The following NUP153 variants were observed in gnomAD, a reference collection of about 807,000 sequenced individuals.
The protein encoded by NUP153 is nucleoporin 153.
NUP153 carries 27 observed loss-of-function variants against 134.6 expected under a neutral mutation model. The ratio of observed to expected loss-of-function variants is 0.20; its 90% confidence interval spans 0.15 to 0.28. NUP153 has a LOEUF of 0.28. NUP153 is among the 10% of genes least tolerant of loss of function. NUP153 has a pLI of 1.00. For missense variants in NUP153, 1,821 were observed against 1,731.3 expected (o/e 1.05, Z -0.92); for synonymous variants, 640 against 623.5 (o/e 1.03, Z -0.40).
rs200972752 is a variant in NUP153, at chr6:17,637,245, T to C, written c.2372A>G (p.Lys791Arg). The stretch of plus-strand genomic sequence containing the variant: ...ACACTCCCAAGATCCAATGGGCCTT[T>C]TGAATTTATCTCCAAATCCTAAGGT... ...TGTLGFGDKF[K>R]RPIGSWECSV... Residue 791 changes from lysine (K) to arginine (R), a missense_variant, in exon 16 of 22, where the codon AAA becomes AGA. Physicochemically the swap from Lys to Arg is conservative, Grantham distance 26 (BLOSUM62 2). Coordinates refer to ENST00000262077, the MANE Select transcript of NUP153 (RefSeq NM_005124.4). The C allele has an allele frequency of 2.0e-5, 32 of 1,614,090 alleles. No homozygotes were observed. Among genetic ancestry groups the C allele is most frequent in the Admixed American group, 1.7e-5 (1 of 60,006 alleles).
chr6:17,683,247 T>A (rs1768719700), intron 2 of NUP153, among the ~76,000 whole-genome samples: 1 of 152,188 alleles, frequency 6.6e-6, no homozygotes, highest in Admixed American at 6.5e-5. Context: ...GTTCTTAATG[T>A]CATCTAGAAT....
Position 17,625,524 on chromosome 6 carries a change from C to T in NUP153, c.3901+284G>A, listed in dbSNP as rs200993034. 1.1e-4 allele frequency among the ~76,000 whole-genome samples: 17 copies of T among 152,048 alleles called. No homozygotes were observed. In the East Asian group the frequency reaches 1.5e-3, roughly 14 times the overall value. On this transcript the variant is annotated intron_variant, in intron 19 of 21. Coordinates refer to ENST00000262077, the MANE Select transcript of NUP153 (RefSeq NM_005124.4). This position sits in a 1 kb window ranked among gnomAD's most constrained non-coding sequence, Gnocchi z 4.7. ...CAGCCTGGGTGACAGAGCAAGACTC[C>T]GTCTCGAAAGAAAACAAAAACAAAA... is the stretch of plus-strand genomic sequence containing the variant.
rs1019761765 is a variant in NUP153 at position 17,675,174 on chromosome 6, T to G, written c.723+55A>C. On this transcript the variant is annotated intron_variant, in intron 4 of 21. Transcript: ENST00000262077. The surrounding 1 kb of genome is among the most constrained non-coding windows in gnomAD (Gnocchi z 4.4). ...GTCTCAGAAAAAAAAAAAAAAATTATAAGCAATAAACACTCAAAACTAATG... is the reference window on the plus strand; with the variant it reads ...GTCTCAGAAAAAAAAAAAAAAATTAGAAGCAATAAACACTCAAAACTAATG... 3.1e-4 allele frequency: 481 copies of G among 1,549,592 alleles called. 1 individual carries two copies. The highest frequency in any genetic ancestry group is 2.4e-4 in the Non-Finnish European group (270 of 1,144,642).
intron 2 of NUP153, among the ~76,000 whole-genome samples, chr6:17,678,891 A>G (rs1768400006): frequency 6.6e-6 from 1 of 151,740 alleles, no homozygotes; most frequent in South Asian, 2.1e-4. Context: ...GGCTGCAATG[A>G]GCTATGATGG....
rs759487748 is a variant in NUP153, at chr6:17,674,914, T to C, written c.843A>G (p.Thr281=). ...TTCTATTGGAACCTACCTGATAAGG[T>C]GTATTTCGTAGTTTAGACTGTCTTA... ...AAVRQSKLRN[T]PYQAPVRRQM... The change falls in exon 5 of 22, where the codon ACA becomes ACG. Residue 281 remains threonine, a synonymous_variant. Transcript: ENST00000262077. 1.4e-5 allele frequency: 22 copies of C among 1,605,034 alleles called. No homozygotes were observed. The highest frequency in any genetic ancestry group is 1.3e-5 in the Non-Finnish European group (15 of 1,176,600).
chr6:17,688,643 GAC>G, intron 1 of NUP153, 25 bp from the exon 2 acceptor site: 2 of 1,544,514 alleles, frequency 1.3e-6, no homozygotes, highest in South Asian at 2.3e-5. Flanking sequence ...AACATATTAT[GAC>G]AGTTTTAGAA....
At chr6:17,671,747 C>A (rs1310238632) in intron 5 of NUP153, among the ~76,000 whole-genome samples, 3 of 152,148 alleles carry the variant, frequency 2.0e-5, no homozygotes, top group African/African-American at 7.2e-5. Context: ...TGGCTCATAC[C>A]TATAATACCA....
rs1014166852 is a variant in NUP153 at position 17,616,528 on chromosome 6, C to G, written c.4342G>C (p.Gly1448Arg). The change falls in exon 21 of 22, where the codon GGG becomes CGG. Residue 1448 changes from glycine to arginine, a missense_variant and splice_region_variant. Coordinates refer to ENST00000262077, the MANE Select transcript of NUP153 (RefSeq NM_005124.4). ...CATTTCAATAAAAAATTCTCTTACC[C>G]CACTGTAAATGCTGCTGGAGACTGG... ...FNQSPAAFTV[G>R]SNGKNVFSSS... is the part of the protein sequence containing the mutation. 1 of 1,603,198 alleles carries G rather than the reference C, an allele frequency of 6.2e-7. No individual in the cohort carries two copies. Among genetic ancestry groups the G allele is most frequent in the Admixed American group, 1.7e-5 (1 of 57,288 alleles).
intron 2 of NUP153, among the ~76,000 whole-genome samples, chr6:17,686,741 A>G (rs991804368): frequency 1.3e-5 from 2 of 151,842 alleles, no homozygotes. Context: ...TTTGAAGTAG[A>G]TATCAAAATG....
Position 17,618,615 on chromosome 6 carries a change from G to A in NUP153, c.4175-1920C>T, listed in dbSNP as rs185290407. Among the ~76,000 whole-genome samples, 25 of 150,176 alleles carry A rather than the reference G, an allele frequency of 1.7e-4. 1 individual carries two copies. Among genetic ancestry groups the A allele is most frequent in the Non-Finnish European group, 2.9e-5 (2 of 67,850 alleles). On this transcript the variant is annotated intron_variant, in intron 20 of 21. Transcript: ENST00000262077. ...GAGTCTGGCTCTGTTGCCCAGGCTGGAGTGCAGTGGCACGGTCTCAGCTCA... is the reference window on the plus strand; with the variant it reads ...GAGTCTGGCTCTGTTGCCCAGGCTGAAGTGCAGTGGCACGGTCTCAGCTCA...
At chr6:17,619,809 C>T (rs570001541) in intron 20 of NUP153, among the ~76,000 whole-genome samples, 2 of 152,078 alleles carry the variant, frequency 1.3e-5, no homozygotes, top group Admixed American at 6.5e-5. Flanking sequence ...GAAATAGAAA[C>T]ATATCCGGCC....
At chr6:17,694,247 G>A (rs973402675) in intron 1 of NUP153, among the ~76,000 whole-genome samples, 2 of 152,180 alleles carry the variant, frequency 1.3e-5, no homozygotes, top group Non-Finnish European at 2.9e-5. Flanking sequence ...ATGAAGAATA[G>A]TAATGTTTGC....
At chr6:17,634,341 CACTCA>C (rs759148570) in intron 16 of NUP153, among the ~76,000 whole-genome samples, 19 of 152,134 alleles carry the variant, frequency 1.2e-4, no homozygotes, top group African/African-American at 3.4e-4. Flanking sequence ...TGAGTGAACA[CACTCA>C]ACTCTACTCT....
intron 2 of NUP153, among the ~76,000 whole-genome samples, chr6:17,687,444 C>T (rs1769000195): frequency 6.6e-6 from 1 of 152,144 alleles, no homozygotes; most frequent in South Asian, 2.1e-4. Context: ...TAAAAGCAAT[C>T]TTGAAAAGTA....
At chr6:17,690,966 C>T (rs948455080) in intron 1 of NUP153, among the ~76,000 whole-genome samples, 4 of 151,816 alleles carry the variant, frequency 2.6e-5, no homozygotes, top group East Asian at 1.9e-4. Context: ...GATGAAACCC[C>T]GCCTCTCCTA....
At chr6:17,653,850 T>C (rs1464519059) in intron 11 of NUP153, among the ~76,000 whole-genome samples, 1 of 152,224 alleles carries the variant, frequency 6.6e-6, no homozygotes, top group African/African-American at 2.4e-5. Flanking sequence ...ATTTATTAAA[T>C]GGCACACCTA....
rs1314957630 is a variant in NUP153 at position 17,628,307 on chromosome 6, A to C, written c.3544+348T>G. On this transcript the variant is annotated intron_variant, in intron 18 of 21. Coordinates refer to ENST00000262077, the MANE Select transcript of NUP153 (RefSeq NM_005124.4). This position sits in a 1 kb window ranked among gnomAD's most constrained non-coding sequence, Gnocchi z 5.4. Reference sequence around the variant, plus strand: ...GGCCTTCCCATAGATTATGGTAGAAAATACTTCATAAGCTAAGAATCCTTA... The same window carrying C: ...GGCCTTCCCATAGATTATGGTAGAACATACTTCATAAGCTAAGAATCCTTA... Among the ~76,000 whole-genome samples, 8 of 152,322 alleles carry C rather than the reference A, an allele frequency of 5.3e-5. No homozygotes were observed. The East Asian group carries it at 1.5e-3, about 29-fold the overall frequency.
At position 17,675,618 on chromosome 6, in the gene NUP153, A is replaced by G. The variant is rs1246713962; in HGVS notation, c.487T>C (p.Phe163Leu). The change falls in exon 3 of 22, where the codon TTT becomes CTT. Residue 163 changes from phenylalanine to leucine, a missense_variant. Coordinates refer to ENST00000262077, the MANE Select transcript of NUP153 (RefSeq NM_005124.4). This position sits in a 1 kb window ranked among gnomAD's most constrained non-coding sequence, Gnocchi z 4.4. ...SSAFPIGSSGFSLVKEIKDST... is the reference protein window; with the variant it reads ...SSAFPIGSSGLSLVKEIKDST... ...TCTTTAATTTCCTTTACAAGGGAAA[A>G]TCCCGAACTGCCAATTGGGAATGCC... 6.2e-7 allele frequency: 1 copy of G among 1,614,018 alleles called. No homozygotes were observed. Among genetic ancestry groups the G allele is most frequent in the East Asian group, 2.2e-5 (1 of 44,876 alleles).
Position 17,628,635 on chromosome 6 carries a change from A to AATT in NUP153, c.3544+19_3544+20insAAT. ...TAAAAAAAAAAATAATAATAATAAT[A>AATT]ATAAAAAGTTAATACTTACCAGCTG... is the stretch of plus-strand genomic sequence containing the variant. On this transcript the variant is annotated intron_variant, in intron 18 of 21. Coordinates refer to ENST00000262077, the MANE Select transcript of NUP153 (RefSeq NM_005124.4). The surrounding 1 kb of genome is among the most constrained non-coding windows in gnomAD (Gnocchi z 5.4). 8.0e-7 allele frequency: 1 copy of AATT among 1,245,942 alleles called. No individual in the cohort carries two copies. Among genetic ancestry groups the AATT allele is most frequent in the African/African-American group, 1.6e-5 (1 of 64,262 alleles). 77.2% of individuals were successfully genotyped at this position (1,245,942 alleles called of 1,614,324 possible).
Sources: allele counts gnomAD v4.1 joint callset (sites outside exome capture counted in the v4.1 genomes callset), GRCh38; gene constraint gnomAD v4.1.1; non-coding constraint Gnocchi (gnomAD v3.1); transcripts MANE v1.5; gene names NCBI Gene and HGNC (gene_info 2026-07-23, HGNC 2026-07-21).